Variants in UVSSA observed in about 807,000 individuals in gnomAD.
The protein encoded by UVSSA is UV-stimulated scaffold protein A.
In UVSSA, 72 loss-of-function variants were observed where a neutral mutation model predicts 73.9. That is an observed-to-expected ratio of 0.97 (90% confidence interval 0.81 to 1.19). The LOEUF (loss-of-function observed/expected upper bound fraction) is 1.19, where lower values mean the gene tolerates loss of function less well. Ranked by LOEUF, UVSSA falls within the 50% of genes most tolerant of loss-of-function variation. The pLI is 0.00. For synonymous variants in UVSSA, 454 were observed against 391.3 expected, an observed-to-expected ratio of 1.16 and a Z score of -1.89; for missense variants, 1,150 against 965.0, an observed-to-expected ratio of 1.19 and a Z score of -2.54.
chr4:1,394,808 C>G, exon 14 of UVSSA: 1 of 1,479,194 alleles, frequency 6.8e-7, no homozygotes, highest in Non-Finnish European at 9.1e-7. Context: ...TGCTCACACA[C>G]GTGCCCATGT....
At chr4:1,362,372 G>C (rs1160840857) in intron 7 of UVSSA, among the ~76,000 whole-genome samples, 1 of 152,216 alleles carries the variant, frequency 6.6e-6, no homozygotes, top group Non-Finnish European at 1.5e-5. Context: ...CAGGGGACTT[G>C]GCCCATTAGG....
upstream of UVSSA, among the ~76,000 whole-genome samples, chr4:1,342,510 G>T (rs1156850472): frequency 6.6e-6 from 1 of 152,024 alleles, no homozygotes; most frequent in Admixed American, 6.6e-5. Context: ...TTAAGTTTTA[G>T]TGCAGTTCAA....
Position 1,353,334 on chromosome 4 carries a change from G to C in UVSSA, c.855G>C (p.Glu285Asp). Residue 285 changes from glutamate (E) to aspartate (D), a missense_variant, in exon 5 of 14, where the codon GAG becomes GAC. Glu to Asp is a conservative substitution (Grantham distance 45, BLOSUM62 2). Transcript: ENST00000389851. ...TATGDPSDEDEDSDLEEFVRS... is the reference protein window; with the variant it reads ...TATGDPSDEDDDSDLEEFVRS... ...CAGGTGACCCCTCAGATGAGGACGA[G>C]GACAGCGACCTCGAGGAGTTTGTGC... 1 of 1,611,668 alleles carries C rather than the reference G, an allele frequency of 6.2e-7. No individual in the cohort carries two copies. Among genetic ancestry groups the C allele is most frequent in the South Asian group, 1.1e-5 (1 of 91,022 alleles).
intron 6 of UVSSA, 106 bp from the exon 7 acceptor site, chr4:1,355,011 G>T: frequency 3.2e-6 from 5 of 1,543,350 alleles, no homozygotes; most frequent in Non-Finnish European, 4.4e-6. Context: ...TCCCAGGTGT[G>T]CCAGGGACCC....
chr4:1,392,916 ACT>A (rs1354266380), downstream of UVSSA: 2 of 152,020 alleles, frequency 1.3e-5, no homozygotes, highest in Admixed American at 6.6e-5. Flanking sequence ...TGCACCAGTA[ACT>A]CTCATGGTTC....
intron 8 of UVSSA, 125 bp from the exon 9 acceptor site, chr4:1,375,239 C>T (rs1239791536): frequency 7.9e-5 from 117 of 1,472,498 alleles, no homozygotes; most frequent in Non-Finnish European, 1.0e-4. Context: ...AGCAGGCACC[C>T]ACCTCGGGAC....
intron 12 of UVSSA, among the ~76,000 whole-genome samples, chr4:1,382,620 G>T (rs1203320061): frequency 1.3e-5 from 2 of 152,234 alleles, no homozygotes; most frequent in African/African-American, 4.8e-5. Context: ...CATTCACCGG[G>T]TTCCTAAACT....
chr4:1,369,726 C>G, intron 8 of UVSSA, among the ~76,000 whole-genome samples: 1 of 152,258 alleles, frequency 6.6e-6, no homozygotes. Context: ...CGTTTCCTAC[C>G]ATCGATTCCC....
At chr4:1,350,404 T>C (rs1289796730) in intron 3 of UVSSA, among the ~76,000 whole-genome samples, 1 of 152,200 alleles carries the variant, frequency 6.6e-6, no homozygotes, top group Non-Finnish European at 1.5e-5. Flanking sequence ...CCAGCCCTGC[T>C]GGCTTCCCTG....
chr4:1,394,880 G>C (rs200729158), exon 14 of UVSSA: 1 of 1,516,678 alleles, frequency 6.6e-7, no homozygotes, highest in Non-Finnish European at 8.7e-7. Context: ...TGCCGATGCG[G>C]AGTGCCCGCC....
chr4:1,383,197 C>A (rs904280667), intron 12 of UVSSA, among the ~76,000 whole-genome samples: 2 of 152,216 alleles, frequency 1.3e-5, no homozygotes, highest in African/African-American at 4.8e-5. Flanking sequence ...TCTAGGAGAG[C>A]CCCAGCCTGC....
At chr4:1,393,089 C>A (rs1478551591) in exon 14 of UVSSA, 2 of 152,340 alleles carry the variant, frequency 1.3e-5, no homozygotes, top group African/African-American at 4.8e-5. Context: ...GAGCTGGGCA[C>A]AGCCTTGGAG....
intron 13 of UVSSA, 59 bp from the exon 14 acceptor site, chr4:1,385,809 G>A: frequency 6.3e-7 from 1 of 1,588,968 alleles, no homozygotes; most frequent in Non-Finnish European, 8.6e-7. Context: ...TGCCGCCACT[G>A]GGAGCCCAGG....
At chr4:1,379,024 C>T (rs1460681018) in intron 10 of UVSSA, among the ~76,000 whole-genome samples, 1 of 150,836 alleles carries the variant, frequency 6.6e-6, no homozygotes, top group African/African-American at 2.4e-5. Flanking sequence ...TCCCTTCTCC[C>T]TAGCGTGGGC....
chr4:1,376,250 C>T (rs1718759014), intron 10 of UVSSA, 82 bp downstream of exon 10: 1 of 1,468,844 alleles, frequency 6.8e-7, no homozygotes. Context: ...CTCACCAGGC[C>T]TCCCTGGGTC....
chr4:1,369,395 G>A (rs532775052), intron 8 of UVSSA, among the ~76,000 whole-genome samples: 5 of 152,348 alleles, frequency 3.3e-5, no homozygotes, highest in East Asian at 3.9e-4. Context: ...GGCGGGAAGC[G>A]TGGGGGCAGG....
chr4:1,375,636 T>C (rs963219349), intron 9 of UVSSA, 128 bp downstream of exon 9: 1 of 1,417,966 alleles, frequency 7.1e-7, no homozygotes. Flanking sequence ...GCCTTGGGTG[T>C]GTACCCCCGG....
At chr4:1,389,549 G>C (rs1038966502), downstream of UVSSA, 4 of 152,144 alleles carry the variant, frequency 2.6e-5, no homozygotes, top group Non-Finnish European at 5.9e-5. Context: ...TTTTTTAAAA[G>C]CTTATTTTTG....
At chr4:1,380,658 A>C in intron 11 of UVSSA, 1 of 1,531,398 alleles carries the variant, frequency 6.5e-7, no homozygotes, top group Non-Finnish European at 8.8e-7. Context: ...ACAGCTGCCC[A>C]AGACCTTCCG....
Sources: allele counts gnomAD v4.1 joint callset (sites outside exome capture counted in the v4.1 genomes callset), GRCh38; gene constraint gnomAD v4.1.1; transcripts MANE v1.5; gene names NCBI Gene and HGNC (gene_info 2026-07-23, HGNC 2026-07-21).